Variants in KCNN3 observed in about 807,000 individuals in gnomAD.
The protein encoded by KCNN3 is small conductance calcium-activated potassium channel protein 3.
KCNN3 carries 16 observed loss-of-function variants against 62.9 expected under a neutral mutation model. The ratio of observed to expected loss-of-function variants is 0.25; its 90% CI spans 0.17 to 0.39. The LOEUF (loss-of-function observed/expected upper bound fraction) is 0.39. Among genes scored for constraint, KCNN3 ranks in the 10% least tolerant of loss-of-function variants. The probability of loss-of-function intolerance (pLI) is 1.00; values close to 1 mark genes in which losing one functional copy is unlikely to be tolerated. For synonymous variants in KCNN3, 370 were observed against 389.2 expected (o/e 0.95, Z 0.58); for missense variants, 599 against 949.4 (o/e 0.63, Z 4.85).
intron 3 of KCNN3, among the ~76,000 whole-genome samples, chr1:154,762,141 A>G: frequency 6.6e-6 from 1 of 152,202 alleles, no homozygotes; most frequent in East Asian, 1.9e-4. Flanking sequence ...GGTTTGATGT[A>G]AATTGATTAT....
rs914534869 is a variant in KCNN3 at position 154,705,403 on chromosome 1, T to C, written c.*2573A>G. 6.6e-6 allele frequency: 1 copy of C among 152,228 alleles called. No individual in the cohort carries two copies. The highest frequency in any genetic ancestry group is 1.5e-5 in the Non-Finnish European group (1 of 68,028). 9.4% of individuals were successfully genotyped at this position (152,228 alleles called of 1,614,324 possible). ...GTTTGATCACTTTTTTTTTGAAGCA[T>C]TTTCTTTTGCCAAGAATAAAAATCA... On this transcript the variant is annotated 3_prime_UTR_variant, in exon 8 of 8. Coordinates refer to ENST00000271915, the MANE Select transcript of KCNN3 (RefSeq NM_002249.6).
intron 3 of KCNN3, among the ~76,000 whole-genome samples, chr1:154,763,764 G>A (rs7513331): frequency 0.22 from 32,707 of 152,090 alleles, 3,616 homozygotes; most frequent in South Asian, 0.28. Context: ...CTTTTCTGAT[G>A]TTTTGAAATG....
chr1:154,822,243 A>C, intron 1 of KCNN3, 59 bp from the exon 2 acceptor site: 1 of 1,267,658 alleles, frequency 7.9e-7, no homozygotes. Flanking sequence ...GTCTCACTTT[A>C]TTCTGCGGCT....
In KCNN3 at chr1:154,862,026, G is replaced by A. The variant is rs1652790539; in HGVS notation, c.933+7006C>T. Among the ~76,000 whole-genome samples, 1 of 152,192 alleles carries A rather than the reference G, an allele frequency of 6.6e-6. No individual in the cohort carries two copies. The highest frequency in any genetic ancestry group is 1.5e-5 in the Non-Finnish European group (1 of 68,038). ...AACAGAGGCATGAGGCACAGACAGG[G>A]ACGCAGGAAAATGGGACTCAAGAAT... On this transcript the variant is annotated intron_variant, in intron 1 of 7. Transcript: ENST00000271915. This position sits in a 1 kb window ranked among gnomAD's most constrained non-coding sequence, Gnocchi z 4.1.
At chr1:154,795,408 C>G (rs1370398090) in intron 2 of KCNN3, among the ~76,000 whole-genome samples, 1 of 152,178 alleles carries the variant, frequency 6.6e-6, no homozygotes, top group Non-Finnish European at 1.5e-5. Context: ...AGTGTCGAGT[C>G]CCCCACCTAC....
intron 4 of KCNN3, among the ~76,000 whole-genome samples, chr1:154,731,594 T>C (rs955634573): frequency 1.3e-5 from 2 of 152,230 alleles, no homozygotes; most frequent in Non-Finnish European, 1.5e-5. Context: ...CAGGAAGACC[T>C]GCGGCCCTCC....
intron 2 of KCNN3, among the ~76,000 whole-genome samples, chr1:154,775,969 G>T (rs185653412): frequency 1.7e-4 from 26 of 152,110 alleles, no homozygotes; most frequent in Non-Finnish European, 3.5e-4. Flanking sequence ...TGGAAGCAAC[G>T]AGTAACAGAT....
At chr1:154,727,102 T>G (rs748979509) in intron 4 of KCNN3, among the ~76,000 whole-genome samples, 151 of 152,200 alleles carry the variant, frequency 9.9e-4, no homozygotes, top group Non-Finnish European at 1.7e-3. Context: ...GCAGCGGGAG[T>G]CAGCTCCATC....
At chr1:154,805,934 G>T (rs1400575202) in intron 2 of KCNN3, among the ~76,000 whole-genome samples, 6 of 152,168 alleles carry the variant, frequency 3.9e-5, no homozygotes, top group Non-Finnish European at 8.8e-5. Context: ...GATTATCCTG[G>T]ATTATCTAGA....
chr1:154,847,204 A>AC (rs200709615), intron 1 of KCNN3, among the ~76,000 whole-genome samples: 170 of 139,568 alleles, frequency 1.2e-3, no homozygotes, highest in East Asian at 1.9e-3. Context: ...CCTCCTCACT[A>AC]CCCCCCCCTG....
chr1:154,796,274 A>G (rs1202641613), intron 2 of KCNN3, among the ~76,000 whole-genome samples: 1 of 152,222 alleles, frequency 6.6e-6, no homozygotes, highest in Non-Finnish European at 1.5e-5. Context: ...CTGGCCTCCC[A>G]GGACCATTTT....
intron 1 of KCNN3, among the ~76,000 whole-genome samples, chr1:154,851,919 C>G (rs1227672677): frequency 6.6e-6 from 1 of 152,212 alleles, no homozygotes; most frequent in African/African-American, 2.4e-5. Context: ...CTCCTCAGGA[C>G]GGTCTACAAA....
At chr1:154,735,661 G>A (rs1340574112) in intron 3 of KCNN3, among the ~76,000 whole-genome samples, 4 of 152,082 alleles carry the variant, frequency 2.6e-5, no homozygotes, top group East Asian at 1.9e-4. Context: ...GTGACCCAGC[G>A]CATCAGCCCC....
chr1:154,760,612 G>C (rs1211955389), intron 3 of KCNN3, among the ~76,000 whole-genome samples: 1 of 152,210 alleles, frequency 6.6e-6, no homozygotes, highest in African/African-American at 2.4e-5. Flanking sequence ...GGCGGAGCGA[G>C]CCTCGGCCTC....
At chr1:154,718,797 T>C (rs778831021) in intron 5 of KCNN3, among the ~76,000 whole-genome samples, 33 of 152,170 alleles carry the variant, frequency 2.2e-4, no homozygotes, top group Non-Finnish European at 3.8e-4. Context: ...ATCTGTGAAA[T>C]GGGATTACTG....
rs576346008 is a variant in KCNN3 at position 154,781,465 on chromosome 1, G to A, written c.1030-9072C>T. ...GATTTTTCATGTACGCCCAACATGG[G>A]AAACAGACAAATTCAGAGCTGTTGT... On this transcript the variant is annotated intron_variant, in intron 2 of 7. Coordinates refer to ENST00000271915, the MANE Select transcript of KCNN3 (RefSeq NM_002249.6). Among the ~76,000 whole-genome samples the A allele has an allele frequency of 9.8e-5, 15 of 152,306 alleles. 1 individual carries two copies. In the East Asian group the frequency reaches 2.9e-3, roughly 29 times the overall value.
chr1:154,757,740 A>G (rs941953617), intron 3 of KCNN3, among the ~76,000 whole-genome samples: 1 of 152,084 alleles, frequency 6.6e-6, no homozygotes, highest in Non-Finnish European at 1.5e-5. Flanking sequence ...AGGGGAGGAG[A>G]GTGAGCGAGA....
At chr1:154,799,531 G>A (rs1209893478) in intron 2 of KCNN3, among the ~76,000 whole-genome samples, 1 of 152,190 alleles carries the variant, frequency 6.6e-6, no homozygotes, top group East Asian at 1.9e-4. Context: ...CGCTTTTGGA[G>A]CCCACAGAGA....
chr1:154,783,173 A>G (rs1374132014), intron 2 of KCNN3, among the ~76,000 whole-genome samples: 1 of 151,266 alleles, frequency 6.6e-6, no homozygotes. Context: ...AGATCGCACC[A>G]CTGTACTCCA....
Sources: allele counts gnomAD v4.1 joint callset (sites outside exome capture counted in the v4.1 genomes callset), GRCh38; gene constraint gnomAD v4.1.1; non-coding constraint Gnocchi (gnomAD v3.1); transcripts MANE v1.5; gene names NCBI Gene and HGNC (gene_info 2026-07-23, HGNC 2026-07-21).